NHS: variants seen among roughly 807,000 people sequenced by gnomAD.
NHS encodes the protein actin remodeling regulator NHS.
In NHS, 5 loss-of-function variants were observed where a neutral mutation model predicts 72.5. The ratio of observed to expected loss-of-function variants is 0.07; its 90% confidence interval spans 0.04 to 0.14. The LOEUF (loss-of-function observed/expected upper bound fraction) is 0.14. NHS is among the 10% of genes least tolerant of loss of function. NHS has a pLI of 1.00. For missense variants in NHS, 1,072 were observed against 1,355.7 expected (o/e 0.79, Z 3.29); for synonymous variants, 464 against 547.7 (o/e 0.85, Z 2.13).
At chrX:17,538,450 T>C (rs1324636742) in intron 1 of NHS, among the ~76,000 whole-genome samples, 1 of 111,779 alleles carries the variant, frequency 8.9e-6, no homozygotes, top group Non-Finnish European at 1.9e-5. Context: ...AATTGGGGCT[T>C]CGTCCTGTTG....
At position 17,668,810 on chromosome X, in the gene NHS, G is replaced by A. The variant is rs139117100; in HGVS notation, c.566-18932G>A. The stretch of plus-strand genomic sequence containing the variant: ...AAAGGTATGCTATCAAGCAGCCACC[G>A]TGTGGGTAGCTGTGCCTCAGTCCTG... On this transcript the variant is annotated intron_variant, in intron 1 of 8. Transcript: ENST00000676302. Among the ~76,000 whole-genome samples, 68 of 111,382 alleles carry A rather than the reference G, an allele frequency of 6.1e-4. 1 individual carries two copies. The East Asian group carries it at 0.017, about 28-fold the overall frequency.
chrX:17,698,591 T>C (rs970048858), intron 3 of NHS, among the ~76,000 whole-genome samples: 11 of 112,111 alleles, frequency 9.8e-5, no homozygotes, highest in Non-Finnish European at 1.9e-4. Context: ...ACTTCCCTAT[T>C]ATTTCTTTTA....
rs1014690722 is a variant in NHS at position 17,705,186 on chromosome X, T to A, written c.852+12718T>A. ...GGCAGGCTTGTGTTGACCGAGCACATCTGGAGTCGTCATGCATCAATAGTA... is the reference window on the plus strand; with the variant it reads ...GGCAGGCTTGTGTTGACCGAGCACAACTGGAGTCGTCATGCATCAATAGTA... On this transcript the variant is annotated intron_variant, in intron 3 of 8. Transcript: ENST00000676302. Among the ~76,000 whole-genome samples the A allele has an allele frequency of 2.7e-5, 3 of 111,827 alleles. No individual in the cohort carries two copies. In the East Asian group the frequency reaches 8.4e-4, roughly 31 times the overall value.
intron 1 of NHS, among the ~76,000 whole-genome samples, chrX:17,659,291 T>C (rs752086113): frequency 1.8e-5 from 2 of 112,138 alleles, no homozygotes; most frequent in South Asian, 3.7e-4. Flanking sequence ...TACTTTGAGA[T>C]TGGACTTTGG....
intron 1 of NHS, among the ~76,000 whole-genome samples, chrX:17,541,599 G>A (rs1236930917): frequency 3.6e-5 from 4 of 111,524 alleles, no homozygotes; most frequent in African/African-American, 9.8e-5. Flanking sequence ...TAAGATGCAC[G>A]TAAGTAAAGA....
At chrX:17,575,949 C>A (rs2146979020) in intron 1 of NHS, among the ~76,000 whole-genome samples, 1 of 111,777 alleles carries the variant, frequency 8.9e-6, no homozygotes, top group South Asian at 3.8e-4. Context: ...AGAGTGGTAC[C>A]CTCCTTGGAA....
intron 1 of NHS, among the ~76,000 whole-genome samples, chrX:17,388,012 G>A (rs1176731922): frequency 8.9e-6 from 1 of 112,568 alleles, no homozygotes; most frequent in Non-Finnish European, 1.9e-5. Context: ...GCTGGGTCAG[G>A]GTAAAGTATA....
intron 1 of NHS, among the ~76,000 whole-genome samples, chrX:17,522,318 G>A (rs1299848702): frequency 2.7e-5 from 3 of 112,575 alleles, no homozygotes; most frequent in East Asian, 5.6e-4. Flanking sequence ...TGTAGGATAA[G>A]GGGGCGGGAG....
intron 1 of NHS, among the ~76,000 whole-genome samples, chrX:17,608,251 T>G (rs1052066436): frequency 9.0e-6 from 1 of 111,238 alleles, no homozygotes; most frequent in Non-Finnish European, 1.9e-5. Flanking sequence ...CAAATTGCAC[T>G]GGGAAAAGTT....
Position 17,375,961 on chromosome X carries a change from A to ACCG in NHS, c.216_218dup (p.Pro73dup), listed in dbSNP as rs10590816. The ACCG allele has an allele frequency of 1.2e-5, 13 of 1,073,299 alleles. No homozygotes were observed. The highest frequency in any genetic ancestry group is 6.9e-5 in the South Asian group (3 of 43,396). 88.5% of individuals were successfully genotyped at this position (1,073,299 alleles called of 1,213,427 possible). On this transcript the variant is annotated inframe_insertion, in exon 1 of 9. Coordinates refer to ENST00000676302, the MANE Select transcript of NHS (RefSeq NM_001291867.2). ...CCGTCCCTGCACCTTCAGGGCTGCC[A>ACCG]CCGCCGCCGCCGCCACTGCCCGCGC... is the stretch of plus-strand genomic sequence containing the variant.
At chrX:17,489,012 A>G (rs929820091) in intron 1 of NHS, among the ~76,000 whole-genome samples, 5 of 109,956 alleles carry the variant, frequency 4.5e-5, no homozygotes, top group Admixed American at 9.7e-5. Context: ...TCATTGTTCA[A>G]CTCCTACTTA....
chrX:17,592,592 A>C (rs1001837619), intron 1 of NHS, among the ~76,000 whole-genome samples: 22 of 112,442 alleles, frequency 2.0e-4, no homozygotes, highest in Non-Finnish European at 3.6e-4. Flanking sequence ...TTTGCCTGGC[A>C]AATGGAAATC....
chrX:17,689,739 G>A (rs2066184562), intron 2 of NHS, among the ~76,000 whole-genome samples: 1 of 112,356 alleles, frequency 8.9e-6, no homozygotes, highest in Non-Finnish European at 1.9e-5. Flanking sequence ...GAGGGCACAG[G>A]ATGACTATAA....
chrX:17,686,822 G>C (rs1216473766), intron 1 of NHS: 2 of 111,421 alleles, frequency 1.8e-5, no homozygotes, highest in Non-Finnish European at 3.8e-5. Context: ...AGCAGACTGG[G>C]CCAGTTCATG....
At chrX:17,656,387 G>C (rs1017461222) in intron 1 of NHS, among the ~76,000 whole-genome samples, 1 of 113,139 alleles carries the variant, frequency 8.8e-6, no homozygotes, top group Non-Finnish European at 1.9e-5. Flanking sequence ...GGACCAGCCT[G>C]GGGGGAGGGG....
At chrX:17,489,896 T>A (rs897830390) in intron 1 of NHS, among the ~76,000 whole-genome samples, 9 of 112,524 alleles carry the variant, frequency 8.0e-5, no homozygotes, top group African/African-American at 1.3e-4. Context: ...GAGCTTTTTT[T>A]AATATGTTTG....
At chrX:17,684,024 G>T (rs1469949419) in intron 1 of NHS, among the ~76,000 whole-genome samples, 2 of 111,680 alleles carry the variant, frequency 1.8e-5, no homozygotes, top group Non-Finnish European at 3.8e-5. Flanking sequence ...TGTTGTTCTT[G>T]TGGTAGTGAA....
At chrX:17,615,183 A>ACGT (rs34548387) in intron 1 of NHS, among the ~76,000 whole-genome samples, 1 of 88,746 alleles carries the variant, frequency 1.1e-5, no homozygotes, top group African/African-American at 4.6e-5. Context: ...GTATATATAT[A>ACGT]GTATATATAC....
At chrX:17,638,289 G>A (rs749896606) in intron 1 of NHS, among the ~76,000 whole-genome samples, 37 of 112,247 alleles carry the variant, frequency 3.3e-4, no homozygotes, top group African/African-American at 1.2e-3. Context: ...GGCTGCCACT[G>A]TCTTATGGCA....
Sources: allele counts gnomAD v4.1 joint callset (sites outside exome capture counted in the v4.1 genomes callset), GRCh38; gene constraint gnomAD v4.1.1; transcripts MANE v1.5; gene names NCBI Gene and HGNC (gene_info 2026-07-23, HGNC 2026-07-21).